Variants in MMP24 observed in about 807,000 individuals in gnomAD.
MMP24 encodes matrix metalloproteinase-24.
MMP24 carries 25 observed loss-of-function variants against 62.8 expected under a neutral mutation model. The ratio of observed to expected loss-of-function variants is 0.40; its 90% CI spans 0.29 to 0.56. MMP24 has a LOEUF of 0.56. Ranked by LOEUF, MMP24 falls within the 20% of genes least tolerant of loss-of-function variation. The pLI is 0.50. For synonymous variants in MMP24, 319 were observed against 350.5 expected, an observed-to-expected ratio of 0.91 and a Z score of 1.00; for missense variants, 634 against 853.6, an observed-to-expected ratio of 0.74 and a Z score of 3.21.
chr20:35,248,375 G>A (rs1425753238), intron 2 of MMP24, among the ~76,000 whole-genome samples: 4 of 148,944 alleles, frequency 2.7e-5, no homozygotes, highest in East Asian at 2.0e-4. Context: ...GCGTGATCTC[G>A]GTTCACTGCA....
intron 1 of MMP24, among the ~76,000 whole-genome samples, chr20:35,241,278 G>A (rs545900270): frequency 1.3e-5 from 2 of 152,180 alleles, no homozygotes; most frequent in East Asian, 1.9e-4. Context: ...GTCCGACCCC[G>A]ATCCATCTTC....
At chr20:35,272,771 T>C (rs2060678480) in intron 8 of MMP24, among the ~76,000 whole-genome samples, 1 of 152,210 alleles carries the variant, frequency 6.6e-6, no homozygotes, top group South Asian at 2.1e-4. Flanking sequence ...GTAACCACCA[T>C]AGTACCACTC....
At chr20:35,263,676 C>A (rs2060616129) in intron 4 of MMP24, 115 bp from the exon 5 acceptor site, 1 of 856,240 alleles carries the variant, frequency 1.2e-6, no homozygotes, top group Non-Finnish European at 1.7e-6. Context: ...TCCCTGGTGT[C>A]CAGCACGGGG....
At position 35,275,343 on chromosome 20, in the gene MMP24, A is replaced by T. The variant is rs1210711377; in HGVS notation, c.*734A>T. On this transcript the variant is annotated 3_prime_UTR_variant, in exon 9 of 9. Coordinates refer to ENST00000246186, the MANE Select transcript of MMP24 (RefSeq NM_006690.4). ...TTTTGCAAAGGCTGCTTGAGGCTTT[A>T]GGTGAACTAGAGGTGACTGTCTTGG... 1 of 152,306 alleles carries T rather than the reference A, an allele frequency of 6.6e-6. No homozygotes were observed. Among genetic ancestry groups the T allele is most frequent in the Admixed American group, 6.5e-5 (1 of 15,292 alleles). 9.4% of individuals were successfully genotyped at this position (152,306 alleles called of 1,614,324 possible).
chr20:35,226,764 C>A lies in MMP24; in HGVS notation c.26C>A (p.Ala9Asp). The part of the protein sequence containing the change: MPRSRGGR[A>D]APGPPPPPPP... ...ATGCCGAGGAGCCGGGGCGGCCGCG[C>A]CGCGCCGGGGCCGCCGCCGCCGCCG... Residue 9 changes from alanine (A) to aspartate (D), a missense_variant, in exon 1 of 9, where the codon GCC becomes GAC. By Grantham distance (126) the Ala-to-Asp change is moderately radical. Around this residue, in one of 3 missense-constraint regions of MMP24, gnomAD observed 212 missense variants for 259.6 expected, o/e 0.82. Transcript: ENST00000246186. 1 of 523,534 alleles carries A rather than the reference C, an allele frequency of 1.9e-6. No individual in the cohort carries two copies. Among genetic ancestry groups the A allele is most frequent in the Non-Finnish European group, 2.1e-6 (1 of 480,674 alleles). The allele number at this position is 523,534 out of a possible 1,614,324, so 32.4% of individuals were successfully genotyped here.
chr20:35,259,942 G>A (rs1232435344), intron 4 of MMP24, among the ~76,000 whole-genome samples: 1 of 152,112 alleles, frequency 6.6e-6, no homozygotes, highest in South Asian at 2.1e-4. Context: ...TATGACGAAG[G>A]TGCCATTGTT....
Position 35,246,979 on chromosome 20 carries a change from C to A in MMP24, c.386C>A (p.Thr129Lys). ...GIPVTGVLDQ[T>K]TIEWMKKPRC... ...CCGGTCACCGGTGTGTTGGATCAGA[C>A]AACGATCGAGTAAGATTTCCATAGG... The change falls in exon 2 of 9, where the codon ACA (threonine) becomes AAA (lysine). Residue 129 changes from threonine to lysine, a missense_variant. Physicochemically the swap from Thr to Lys is moderately conservative, Grantham distance 78. Coordinates refer to ENST00000246186, the MANE Select transcript of MMP24 (RefSeq NM_006690.4). 6.2e-7 allele frequency: 1 copy of A among 1,614,018 alleles called. No individual in the cohort carries two copies. The highest frequency in any genetic ancestry group is 1.1e-5 in the South Asian group (1 of 91,082).
intron 4 of MMP24, among the ~76,000 whole-genome samples, chr20:35,261,409 G>A (rs1208452825): frequency 6.6e-6 from 1 of 152,216 alleles, no homozygotes; most frequent in Non-Finnish European, 1.5e-5. Flanking sequence ...AACCCGGTGA[G>A]GTAGGTCTGA....
At chr20:35,264,735 A>G (rs935135948) in intron 5 of MMP24, among the ~76,000 whole-genome samples, 24 of 149,460 alleles carry the variant, frequency 1.6e-4, no homozygotes, top group East Asian at 3.9e-4. Flanking sequence ...AAAAAAAAAA[A>G]AAAGAAAGAA....
At chr20:35,242,386 G>A (rs1391370234) in intron 1 of MMP24, among the ~76,000 whole-genome samples, 1 of 152,096 alleles carries the variant, frequency 6.6e-6, no homozygotes, top group Non-Finnish European at 1.5e-5. Context: ...ATGTCTTTAT[G>A]TAAGTCTTTT....
chr20:35,228,179 G>A (rs943734627), intron 1 of MMP24, among the ~76,000 whole-genome samples: 3 of 152,168 alleles, frequency 2.0e-5, no homozygotes, highest in African/African-American at 4.8e-5. Flanking sequence ...GGGGTCATAC[G>A]TGCACTGAAA....
In MMP24 at chr20:35,271,646, T is replaced by C. The variant is rs1435304178; in HGVS notation, c.1411T>C (p.Leu471=). 1 of 1,610,760 alleles carries C rather than the reference T, an allele frequency of 6.2e-7. No homozygotes were observed. Among genetic ancestry groups the C allele is most frequent in the African/African-American group, 1.3e-5 (1 of 74,872 alleles). The change falls in exon 8 of 9, where the codon TTG becomes CTG. Residue 471 remains leucine (L), a synonymous_variant. Coordinates refer to ENST00000246186, the MANE Select transcript of MMP24 (RefSeq NM_006690.4). The surrounding 1 kb of genome is among the most constrained non-coding windows in gnomAD (Gnocchi z 4.0). ...PHSLGELGSC[L]PREGIDTALR... The stretch of plus-strand genomic sequence containing the variant: ...CAGCCTGGGGGAGCTGGGCAGCTGT[T>C]TGCCCCGTGAAGGCATTGACACAGC...
At chr20:35,267,515 C>T (rs531650700) in intron 6 of MMP24, 96 bp downstream of exon 6, 273 of 1,295,112 alleles carry the variant, frequency 2.1e-4, no homozygotes, top group Non-Finnish European at 2.5e-4. Flanking sequence ...ATTTGGGATT[C>T]GATTACAATG....
At position 35,276,071 on chromosome 20, in the gene MMP24, C is replaced by G. The variant is rs1289894085; in HGVS notation, c.*1462C>G. On this transcript the variant is annotated 3_prime_UTR_variant, in exon 9 of 9. Coordinates refer to ENST00000246186, the MANE Select transcript of MMP24 (RefSeq NM_006690.4). Reference sequence around the variant, plus strand: ...GTCAGGCAGTCTCCAGCGTGCTGGCCGGGTCTCGGATGCCACCCCTGCTCA... The same window carrying G: ...GTCAGGCAGTCTCCAGCGTGCTGGCGGGGTCTCGGATGCCACCCCTGCTCA... The G allele has an allele frequency of 2.5e-6, 1 of 398,652 alleles. No homozygotes were observed. The highest frequency in any genetic ancestry group is 1.3e-4 in the South Asian group (1 of 7,862). 24.7% of individuals were successfully genotyped at this position (398,652 alleles called of 1,614,324 possible).
chr20:35,262,053 C>T (rs536560503), intron 4 of MMP24, among the ~76,000 whole-genome samples: 1 of 152,266 alleles, frequency 6.6e-6, no homozygotes, highest in East Asian at 1.9e-4. Flanking sequence ...CCACCCCGAT[C>T]AGCCTCCCAA....
chr20:35,245,302 C>T (rs1300621974), intron 1 of MMP24, among the ~76,000 whole-genome samples: 1 of 152,220 alleles, frequency 6.6e-6, no homozygotes, highest in Admixed American at 6.5e-5. Context: ...ACTGGGATTA[C>T]AGGCATGAGC....
Position 35,254,575 on chromosome 20 carries a change from G to A in MMP24, c.638G>A (p.Ser213Asn), listed in dbSNP as rs773227093. 6.2e-7 allele frequency: 1 copy of A among 1,614,068 alleles called. No homozygotes were observed. Among genetic ancestry groups the A allele is most frequent in the South Asian group, 1.1e-5 (1 of 91,084 alleles). Reference protein sequence around the residue: ...FEEVPYHEIKSDRKEADIMIF... With the variant: ...FEEVPYHEIKNDRKEADIMIF... ...GAGGTGCCATACCATGAGATCAAAA[G>A]TGACCGGAAGGAGGCAGACATCATG... The change falls in exon 4 of 9, where the codon AGT becomes AAT. Residue 213 changes from serine (S) to asparagine (N), a missense_variant. Coordinates refer to ENST00000246186, the MANE Select transcript of MMP24 (RefSeq NM_006690.4).
chr20:35,246,361 C>T (rs2060514870), intron 1 of MMP24, among the ~76,000 whole-genome samples: 1 of 151,838 alleles, frequency 6.6e-6, no homozygotes, highest in South Asian at 2.1e-4. Flanking sequence ...CCTGTAATCC[C>T]AGCTATTCGG....
rs1478603992 is a variant in MMP24 at position 35,274,680 on chromosome 20, G to A, written c.*71G>A. 34 of 1,342,662 alleles carry A rather than the reference G, an allele frequency of 2.5e-5. No individual in the cohort carries two copies. The highest frequency in any genetic ancestry group is 3.4e-5 in the Non-Finnish European group (33 of 984,858). 83.2% of individuals were successfully genotyped at this position (1,342,662 alleles called of 1,614,324 possible). Reference sequence around the variant, plus strand: ...CTTCCTCACCAGGGTCTGAGGGGCAGCTCTGGCCAGTGCTCACCAGGGCCA... The same window carrying A: ...CTTCCTCACCAGGGTCTGAGGGGCAACTCTGGCCAGTGCTCACCAGGGCCA... On this transcript the variant is annotated 3_prime_UTR_variant, in exon 9 of 9. Coordinates refer to ENST00000246186, the MANE Select transcript of MMP24 (RefSeq NM_006690.4). This position sits in a 1 kb window ranked among gnomAD's most constrained non-coding sequence, Gnocchi z 5.1.
Sources: gnomAD v4.1 joint callset for allele counts (sites outside exome capture counted in the v4.1 genomes callset) on GRCh38, gnomAD v4.1.1 for gene constraint, gnomAD v4.1.1 regional missense constraint, Gnocchi (gnomAD v3.1) non-coding constraint, MANE v1.5 for transcripts, NCBI Gene and HGNC (gene_info 2026-07-23, HGNC 2026-07-21) for gene names.